Variants in MAPK4 observed in about 807,000 individuals in gnomAD.
MAPK4 encodes Erk3-related.
Under a neutral mutation model 47.7 loss-of-function variants are expected in MAPK4, and 22 were observed. That is an observed-to-expected ratio of 0.46 (90% confidence interval 0.33 to 0.66). MAPK4 has a LOEUF of 0.66. Among genes scored for constraint, MAPK4 ranks in the 30% least tolerant of loss-of-function variants. MAPK4 has a pLI of 0.02. For synonymous variants in MAPK4, 390 were observed against 365.7 expected, an observed-to-expected ratio of 1.07 and a Z score of -0.76; for missense variants, 736 against 831.7, an observed-to-expected ratio of 0.88 and a Z score of 1.42.
chr18:50,620,377 GA>G (rs2042721276), intron 1 of MAPK4, among the ~76,000 whole-genome samples: 1 of 152,202 alleles, frequency 6.6e-6, no homozygotes, highest in Non-Finnish European at 1.5e-5. Flanking sequence ...ATCATTATAT[GA>G]AGAACTTATC....
Position 50,609,201 on chromosome 18 carries a change from G to A in MAPK4, c.-871+48958G>A, listed in dbSNP as rs572060446. ...TTTTCTATTCGACAAAACCGCCATC[G>A]TCATCATGGCCCGTTCTCAATGAGC... On this transcript the variant is annotated intron_variant, in intron 1 of 5. Transcript: ENST00000400384. Among the ~76,000 whole-genome samples the A allele has an allele frequency of 2.8e-4, 43 of 151,682 alleles. No individual in the cohort carries two copies. The East Asian group carries it at 5.4e-3, about 19-fold the overall frequency.
intron 4 of MAPK4, among the ~76,000 whole-genome samples, chr18:50,722,944 CAAG>C: frequency 1.3e-5 from 2 of 152,218 alleles, no homozygotes; most frequent in African/African-American, 4.8e-5. Context: ...AGGAAGGTGA[CAAG>C]ATTGTACAGA....
intron 1 of MAPK4, among the ~76,000 whole-genome samples, chr18:50,607,083 G>A (rs1184332787): frequency 6.6e-6 from 1 of 152,172 alleles, no homozygotes; most frequent in East Asian, 1.9e-4. Context: ...GAATGATACA[G>A]TATCATCTTT....
intron 2 of MAPK4, among the ~76,000 whole-genome samples, chr18:50,704,082 T>A (rs527595623): frequency 2.2e-4 from 33 of 152,032 alleles, no homozygotes; most frequent in Non-Finnish European, 4.1e-4. Flanking sequence ...AGAGAGACTT[T>A]TAAAACTTCA....
At chr18:50,659,749 C>T (rs2043149787) in intron 1 of MAPK4, among the ~76,000 whole-genome samples, 1 of 152,342 alleles carries the variant, frequency 6.6e-6, no homozygotes, top group Middle Eastern at 3.4e-3. Context: ...CTTGGCTGCT[C>T]TTGTGAGAGT....
intron 2 of MAPK4, chr18:50,704,661 G>A: frequency 2.5e-6 from 1 of 398,710 alleles, no homozygotes; most frequent in Non-Finnish European, 4.4e-6. Context: ...AGTCCTGTGG[G>A]GTGGGAGCAG....
rs1445721545 is a variant in MAPK4 at position 50,664,158 on chromosome 18, A to G, written c.200A>G (p.Lys67Arg). 8 of 1,614,070 alleles carry G rather than the reference A, an allele frequency of 5.0e-6. No individual in the cohort carries two copies. Among genetic ancestry groups the G allele is most frequent in the African/African-American group, 4.0e-5 (3 of 74,936 alleles). Residue 67 changes from lysine to arginine, a missense_variant, in exon 2 of 6, where the codon AAG (lysine) becomes AGG (arginine). Coordinates refer to ENST00000400384, the MANE Select transcript of MAPK4 (RefSeq NM_002747.4). This position sits in a 1 kb window ranked among gnomAD's most constrained non-coding sequence, Gnocchi z 6.0. The stretch of plus-strand genomic sequence containing the variant: ...ATGAAGCACGCGCTCCGAGAGATCA[A>G]GATCATTCGGCGCCTGGACCACGAC... ...RSMKHALREI[K>R]IIRRLDHDNI...
At position 50,729,409 on chromosome 18, in the gene MAPK4, A is replaced by G. The variant is rs1347244750; in HGVS notation, c.1319A>G (p.Lys440Arg). 4 of 1,558,462 alleles carry G rather than the reference A, an allele frequency of 2.6e-6. No individual in the cohort carries two copies. The Admixed American group carries it at 7.6e-5, about 29-fold the overall frequency. The change falls in exon 6 of 6, where the codon AAG becomes AGG. Residue 440 changes from lysine (K) to arginine (R), a missense_variant. By Grantham distance (26) the Lys-to-Arg change is conservative. This residue lies in a region of MAPK4 where 377 missense variants were observed against 378.6 expected (regional missense o/e 1.00). Coordinates refer to ENST00000400384, the MANE Select transcript of MAPK4 (RefSeq NM_002747.4). ...GTGGGGTCGCCGTCCTACCTGGACA[A>G]GCTGCTGTGGCGCGACAACAAGCCG... ...YKVGSPSYLD[K>R]LLWRDNKPHH...
Position 50,656,320 on chromosome 18 carries a change from G to A in MAPK4, c.-870-6769G>A, listed in dbSNP as rs567935625. On this transcript the variant is annotated intron_variant, in intron 1 of 5. Transcript: ENST00000400384. ...TGTCCATCAAGCTGTTGGCGGGGCT[G>A]TAGTCCACTCAGGGCTCAACTCAGG... 4.6e-5 allele frequency among the ~76,000 whole-genome samples: 7 copies of A among 152,338 alleles called. No homozygotes were observed. In the East Asian group the frequency reaches 1.4e-3, roughly 29 times the overall value.
At chr18:50,666,325 C>A (rs1445715712) in intron 2 of MAPK4, among the ~76,000 whole-genome samples, 2 of 152,158 alleles carry the variant, frequency 1.3e-5, no homozygotes, top group Non-Finnish European at 2.9e-5. Context: ...AGTCACTTAC[C>A]CCCTGGGAGC....
At chr18:50,673,795 G>C (rs573862234) in intron 2 of MAPK4, among the ~76,000 whole-genome samples, 1 of 152,274 alleles carries the variant, frequency 6.6e-6, no homozygotes, top group African/African-American at 2.4e-5. Context: ...GGCGGAGCTT[G>C]CAGTGAGCCG....
chr18:50,709,212 C>G (rs1297429460), intron 2 of MAPK4, among the ~76,000 whole-genome samples: 1 of 152,172 alleles, frequency 6.6e-6, no homozygotes. Context: ...GGAACCCAGT[C>G]CCCTGAAAGA....
chr18:50,716,945 G>A (rs1006228394), intron 3 of MAPK4, among the ~76,000 whole-genome samples: 1 of 152,050 alleles, frequency 6.6e-6, no homozygotes, highest in East Asian at 1.9e-4. Context: ...CTCCTCTGTG[G>A]CCTACCAGAT....
At chr18:50,620,748 TAA>T (rs1454137706) in intron 1 of MAPK4, among the ~76,000 whole-genome samples, 1 of 151,268 alleles carries the variant, frequency 6.6e-6, no homozygotes. Context: ...CTATAAAAAT[TAA>T]AAATATATAT....
At chr18:50,717,458 G>C (rs1221071578) in intron 3 of MAPK4, among the ~76,000 whole-genome samples, 2 of 152,136 alleles carry the variant, frequency 1.3e-5, no homozygotes, top group East Asian at 3.9e-4. Context: ...GGCTCCTGGG[G>C]CTACCCCACA....
chr18:50,601,779 A>G (rs2042544098), intron 1 of MAPK4, among the ~76,000 whole-genome samples: 1 of 152,052 alleles, frequency 6.6e-6, no homozygotes, highest in South Asian at 2.1e-4. Flanking sequence ...ATTTCTCACC[A>G]TTTCCTATCT....
At chr18:50,622,903 T>C (rs574998818) in intron 1 of MAPK4, among the ~76,000 whole-genome samples, 1 of 152,300 alleles carries the variant, frequency 6.6e-6, no homozygotes, top group African/African-American at 2.4e-5. Flanking sequence ...GGGGAGAAAG[T>C]AGTGACCTGT....
intron 1 of MAPK4, among the ~76,000 whole-genome samples, chr18:50,604,095 A>G (rs574851343): frequency 6.6e-6 from 1 of 152,356 alleles, no homozygotes; most frequent in African/African-American, 2.4e-5. Flanking sequence ...AGGACAAGAC[A>G]AGAAAAAAAA....
At chr18:50,622,161 G>T (rs2042737941) in intron 1 of MAPK4, among the ~76,000 whole-genome samples, 1 of 152,204 alleles carries the variant, frequency 6.6e-6, no homozygotes, top group Admixed American at 6.5e-5. Flanking sequence ...TGGTGATGGG[G>T]TTTTCAACCA....
Sources: allele counts gnomAD v4.1 joint callset (sites outside exome capture counted in the v4.1 genomes callset), GRCh38; gene constraint gnomAD v4.1.1; regional missense constraint gnomAD v4.1.1; non-coding constraint Gnocchi (gnomAD v3.1); transcripts MANE v1.5; gene names NCBI Gene and HGNC (gene_info 2026-07-23, HGNC 2026-07-21).